The following ZCCHC24 variants were observed in gnomAD, a reference collection of about 807,000 sequenced individuals.
ZCCHC24 encodes the protein zinc finger CCHC domain-containing protein 24.
ZCCHC24 carries 10 observed loss-of-function variants against 26.2 expected under a neutral mutation model. That is an observed-to-expected ratio of 0.38 (90% CI 0.24 to 0.65). The LOEUF (loss-of-function observed/expected upper bound fraction) is 0.65. Among genes scored for constraint, ZCCHC24 ranks in the 30% least tolerant of loss-of-function variants. ZCCHC24 has a pLI of 0.54. For synonymous variants in ZCCHC24, 144 were observed against 147.1 expected (o/e 0.98, Z 0.15); for missense variants, 243 against 329.1 (o/e 0.74, Z 2.03).
intron 2 of ZCCHC24, among the ~76,000 whole-genome samples, chr10:79,417,095 G>A (rs1461305947): frequency 1.3e-5 from 2 of 152,174 alleles, no homozygotes; most frequent in Non-Finnish European, 2.9e-5. Flanking sequence ...CCCCCTCCCC[G>A]GGATCACAAT....
intron 2 of ZCCHC24, among the ~76,000 whole-genome samples, chr10:79,420,433 G>T (rs1479023930): frequency 1.3e-5 from 2 of 152,178 alleles, no homozygotes; most frequent in Non-Finnish European, 2.9e-5. Context: ...CAGTCTCTTA[G>T]AACCCTGGGA....
At chr10:79,411,944 C>T (rs1856799994) in intron 2 of ZCCHC24, among the ~76,000 whole-genome samples, 1 of 152,192 alleles carries the variant, frequency 6.6e-6, no homozygotes, top group Non-Finnish European at 1.5e-5. Context: ...CCACATGTGC[C>T]CCTTACAGAG....
intron 1 of ZCCHC24, among the ~76,000 whole-genome samples, chr10:79,437,527 G>C (rs1364112170): frequency 6.6e-6 from 1 of 152,242 alleles, no homozygotes. Context: ...AACGCAGCCA[G>C]CACGTGTTGC....
rs866510206 is a variant in ZCCHC24 at position 79,385,531 on chromosome 10, C to T, written c.*814G>A. On this transcript the variant is annotated 3_prime_UTR_variant, in exon 4 of 4. Coordinates refer to ENST00000372336, the MANE Select transcript of ZCCHC24 (RefSeq NM_153367.4). This position sits in a 1 kb window ranked among gnomAD's most constrained non-coding sequence, Gnocchi z 4.3. Reference sequence around the variant, plus strand: ...TGCTGGAACAGACACGCTGGGCTTCCACACTGGGCCCAGCTATCTTGATGT... The same window carrying T: ...TGCTGGAACAGACACGCTGGGCTTCTACACTGGGCCCAGCTATCTTGATGT... 6.6e-6 allele frequency: 1 copy of T among 152,306 alleles called. No individual in the cohort carries two copies. The highest frequency in any genetic ancestry group is 1.5e-5 in the Non-Finnish European group (1 of 68,064). 9.4% of individuals were successfully genotyped at this position (152,306 alleles called of 1,614,324 possible).
chr10:79,445,205 T>G lies in ZCCHC24; in HGVS notation c.236A>C (p.Gln79Pro), dbSNP rs1321704738. The G allele has an allele frequency of 7.7e-7, 1 of 1,293,220 alleles. No individual in the cohort carries two copies. The highest frequency in any genetic ancestry group is 4.1e-5 in the Admixed American group (1 of 24,468). 80.1% of individuals were successfully genotyped at this position (1,293,220 alleles called of 1,614,324 possible). The change falls in exon 1 of 4, where the codon CAG becomes CCG. Residue 79 changes from glutamine (Q) to proline (P), a missense_variant. By Grantham distance (76) the Gln-to-Pro change is moderately conservative (BLOSUM62 -1). Transcript: ENST00000372336. ...CGCGGGGGCACCCACCTCTCCGCGC[T>G]GCAGCTGGAAGAAGCTGTTGAGATA... ...SSYLNSFFQL[Q>P]RGEALSNSVY...
At chr10:79,401,732 G>A (rs559641268) in intron 2 of ZCCHC24, among the ~76,000 whole-genome samples, 2 of 152,318 alleles carry the variant, frequency 1.3e-5, no homozygotes, top group East Asian at 1.9e-4. Flanking sequence ...CTCAGCATGT[G>A]CCTGGCAGCC....
chr10:79,421,011 C>A (rs10824757), intron 2 of ZCCHC24, among the ~76,000 whole-genome samples: 2 of 151,988 alleles, frequency 1.3e-5, no homozygotes, highest in Non-Finnish European at 2.9e-5. Flanking sequence ...TGCTACAAGG[C>A]GGCGCCAGGG....
At chr10:79,389,275 C>T (rs1856439151) in intron 3 of ZCCHC24, among the ~76,000 whole-genome samples, 1 of 152,236 alleles carries the variant, frequency 6.6e-6, no homozygotes, top group African/African-American at 2.4e-5. Flanking sequence ...GGACTGAGGG[C>T]AGAACCTCCA....
chr10:79,441,936 G>A (rs1049447374), intron 1 of ZCCHC24, among the ~76,000 whole-genome samples: 1 of 152,224 alleles, frequency 6.6e-6, no homozygotes, highest in African/African-American at 2.4e-5. Context: ...GGCCCAAGAG[G>A]CCATCTTCAC....
At chr10:79,392,755 T>G (rs1589659455) in intron 3 of ZCCHC24, among the ~76,000 whole-genome samples, 1 of 152,234 alleles carries the variant, frequency 6.6e-6, no homozygotes, top group East Asian at 1.9e-4. Context: ...TGCCTTGACT[T>G]TCAGGCCAGC....
intron 3 of ZCCHC24, among the ~76,000 whole-genome samples, chr10:79,387,457 A>G (rs113907442): frequency 6.6e-6 from 1 of 152,310 alleles, no homozygotes; most frequent in African/African-American, 2.4e-5. Context: ...GTTTCCCTGG[A>G]GAATTTATGG....
At chr10:79,401,774 G>A (rs1459390416) in intron 2 of ZCCHC24, among the ~76,000 whole-genome samples, 2 of 152,196 alleles carry the variant, frequency 1.3e-5, no homozygotes, top group Non-Finnish European at 2.9e-5. Context: ...TGGAGCACAA[G>A]GCCGACCCCA....
chr10:79,412,997 C>T (rs1343581161), intron 2 of ZCCHC24, among the ~76,000 whole-genome samples: 2 of 152,198 alleles, frequency 1.3e-5, no homozygotes, highest in African/African-American at 2.4e-5. Context: ...GACTCTATCT[C>T]CTCTACCAGC....
In ZCCHC24 at chr10:79,418,709, A is replaced by G. The variant is rs186618790; in HGVS notation, c.447+13849T>C. Among the ~76,000 whole-genome samples the G allele has an allele frequency of 5.3e-5, 8 of 152,260 alleles. No homozygotes were observed. In the East Asian group the frequency reaches 1.5e-3, roughly 29 times the overall value. On this transcript the variant is annotated intron_variant, in intron 2 of 3. Transcript: ENST00000372336. ...ACTGGGGCAGGGCAGAGTGAAGCCC[A>G]CCCAAAGAGGGGCATTCTCTGTCCC...
intron 2 of ZCCHC24, among the ~76,000 whole-genome samples, chr10:79,421,997 C>T (rs1177745185): frequency 2.6e-5 from 4 of 152,106 alleles, no homozygotes; most frequent in Non-Finnish European, 4.4e-5. Flanking sequence ...GTTTCCCCAC[C>T]AGTATGTTGA....
chr10:79,390,573 G>A (rs190613713), intron 3 of ZCCHC24, among the ~76,000 whole-genome samples: 326 of 152,354 alleles, frequency 2.1e-3, no homozygotes, highest in African/African-American at 7.3e-3. Flanking sequence ...TTCCCTCTGT[G>A]GGCACGGGCT....
At chr10:79,424,911 T>C (rs1857005476) in intron 2 of ZCCHC24, among the ~76,000 whole-genome samples, 1 of 152,214 alleles carries the variant, frequency 6.6e-6, no homozygotes, top group Admixed American at 6.5e-5. Flanking sequence ...GAGCTGGGCC[T>C]GCACAGTAAA....
intron 2 of ZCCHC24, among the ~76,000 whole-genome samples, chr10:79,422,365 C>T (rs1032209182): frequency 5.9e-5 from 9 of 152,148 alleles, no homozygotes; most frequent in Non-Finnish European, 1.3e-4. Flanking sequence ...CTGGGGGCCT[C>T]GGCCCTGCCT....
chr10:79,421,170 A>T (rs1589671840), intron 2 of ZCCHC24, among the ~76,000 whole-genome samples: 1 of 152,174 alleles, frequency 6.6e-6, no homozygotes, highest in African/African-American at 2.4e-5. Context: ...CCAAGCCACC[A>T]CCTGCCAAAC....
Sources: allele counts gnomAD v4.1 joint callset (sites outside exome capture counted in the v4.1 genomes callset), GRCh38; gene constraint gnomAD v4.1.1; non-coding constraint Gnocchi (gnomAD v3.1); transcripts MANE v1.5; gene names NCBI Gene and HGNC (gene_info 2026-07-23, HGNC 2026-07-21).